Variants in DLEU7 observed in about 807,000 individuals in gnomAD.
DLEU7 encodes deleted in lymphocytic leukemia 7.
A neutral mutation model predicts 16.0 loss-of-function variants in DLEU7; 17 were observed. That is an observed-to-expected ratio of 1.06 (90% CI 0.73 to 1.59). The LOEUF (loss-of-function observed/expected upper bound fraction) is 1.59, where lower values mean the gene tolerates loss of function less well. DLEU7 is among the 40% of genes most tolerant of loss of function. DLEU7 has a pLI of 0.00. For missense variants in DLEU7, 308 were observed against 314.9 expected, an observed-to-expected ratio of 0.98 and a Z score of 0.17; for synonymous variants, 113 against 139.8, an observed-to-expected ratio of 0.81 and a Z score of 1.35.
At chr13:50,775,253 A>T (rs61450484) in intron 1 of DLEU7, among the ~76,000 whole-genome samples, 2,025 of 151,940 alleles carry the variant, frequency 0.013, 41 homozygotes, top group African/African-American at 0.047. Flanking sequence ...TTTGTTTTAG[A>T]AGGTAGCTAA....
intron 1 of DLEU7, among the ~76,000 whole-genome samples, chr13:50,809,408 T>C (rs1281642331): frequency 6.6e-6 from 1 of 152,138 alleles, no homozygotes; most frequent in Admixed American, 6.6e-5. Context: ...TTGCATAATT[T>C]TCATTCTAAA....
At chr13:50,837,481 G>C (rs945877919) in intron 1 of DLEU7, among the ~76,000 whole-genome samples, 6 of 152,172 alleles carry the variant, frequency 3.9e-5, no homozygotes, top group African/African-American at 1.4e-4. Context: ...TACTTCTAGA[G>C]CAGTCACCGT....
At chr13:50,823,566 G>A (rs1163365254) in intron 1 of DLEU7, 46 bp from the exon 2 acceptor site, 3 of 1,526,600 alleles carry the variant, frequency 2.0e-6, no homozygotes, top group Non-Finnish European at 2.6e-6. Context: ...TAGGTTATGG[G>A]GGCCAATTGT....
At chr13:50,819,588 T>G (rs1050469256), downstream of DLEU7, among the ~76,000 whole-genome samples, 1 of 152,098 alleles carries the variant, frequency 6.6e-6, no homozygotes, top group South Asian at 2.1e-4. Context: ...ATTTGAGACA[T>G]GTTTTGAAGG....
Position 50,843,520 on chromosome 13 carries a change from G to A in DLEU7, c.127C>T (p.Pro43Ser). The A allele has an allele frequency of 1.4e-6, 2 of 1,426,194 alleles. No homozygotes were observed. 88.3% of individuals were successfully genotyped at this position (1,426,194 alleles called of 1,614,324 possible). ...GPVAPGNPRDPDHVSTAPARR... is the reference protein window; with the variant it reads ...GPVAPGNPRDSDHVSTAPARR... ...GCTGGAGCGGTGGACACGTGGTCTG[G>A]GTCCCGCGGGTTCCCGGGGGCGACT... The change falls in exon 1 of 2, where the codon CCA becomes TCA. Residue 43 changes from proline (P) to serine (S), a missense_variant. Physicochemically the swap from Pro to Ser is moderately conservative, Grantham distance 74 (BLOSUM62 -1). Coordinates refer to ENST00000504404, the MANE Select transcript of DLEU7 (RefSeq NM_001306135.2). This position sits in a 1 kb window ranked among gnomAD's most constrained non-coding sequence, Gnocchi z 5.7.
chr13:50,793,332 G>T (rs1227656832), intron 1 of DLEU7, among the ~76,000 whole-genome samples: 2 of 152,058 alleles, frequency 1.3e-5, no homozygotes, highest in Non-Finnish European at 2.9e-5. Context: ...GAATAGTGCT[G>T]CAGTGAACAT....
chr13:50,739,915 G>T (rs1049595130), intron 1 of DLEU7, among the ~76,000 whole-genome samples: 14 of 152,062 alleles, frequency 9.2e-5, no homozygotes, highest in African/African-American at 3.1e-4. Flanking sequence ...GATTCTAGAT[G>T]CCTAGATTTT....
At chr13:50,776,015 C>T (rs1272205350) in intron 1 of DLEU7, among the ~76,000 whole-genome samples, 2 of 151,924 alleles carry the variant, frequency 1.3e-5, no homozygotes, top group Non-Finnish European at 2.9e-5. Context: ...TCTGTTTTTT[C>T]AAATCAGCCT....
intron 1 of DLEU7, among the ~76,000 whole-genome samples, chr13:50,715,788 A>G (rs1022628698): frequency 3.9e-5 from 6 of 152,246 alleles, no homozygotes; most frequent in Non-Finnish European, 7.3e-5. Context: ...TCTATGCCAG[A>G]TAATGCTACC....
chr13:50,765,218 G>T (rs898969515), intron 1 of DLEU7, among the ~76,000 whole-genome samples: 2 of 152,138 alleles, frequency 1.3e-5, no homozygotes, highest in African/African-American at 4.8e-5. Context: ...ATGTAGAGGA[G>T]AATTTATTCA....
intron 1 of DLEU7, among the ~76,000 whole-genome samples, chr13:50,788,746 T>C (rs1276262451): frequency 1.3e-5 from 2 of 152,178 alleles, no homozygotes; most frequent in Non-Finnish European, 2.9e-5. Flanking sequence ...GGAAAATCCC[T>C]CCCACAGAAA....
At chr13:50,791,258 GTTGTACACATGCAGGGGCACCTATGC>G (rs1180958146) in intron 1 of DLEU7, among the ~76,000 whole-genome samples, 1 of 152,112 alleles carries the variant, frequency 6.6e-6, no homozygotes, top group Admixed American at 6.5e-5. Context: ...GTCAGGCAGG[GTTGTACACATGCAGGGGCACCTATGC>G]TTTCTCCTGC....
chr13:50,755,155 T>C lies in DLEU7; in HGVS notation c.460-41915A>G, dbSNP rs563693871. On this transcript the variant is annotated intron_variant, in intron 1 of 1. Coordinates refer to the DLEU7 transcript ENST00000400393. ...TTCGTCTTAACTTTAGATACCCTGA[T>C]GACAATGTGTGTAGGTGATGATCTT... is the stretch of plus-strand genomic sequence containing the variant. Among the ~76,000 whole-genome samples, 23 of 152,332 alleles carry C rather than the reference T, an allele frequency of 1.5e-4. No homozygotes were observed. The South Asian group carries it at 4.6e-3, about 30-fold the overall frequency.
chr13:50,814,687 ACACACAC>A (rs1413215376), intron 1 of DLEU7, among the ~76,000 whole-genome samples: 1 of 38,954 alleles, frequency 2.6e-5, no homozygotes, highest in Non-Finnish European at 7.8e-5. Flanking sequence ...CTACACACAC[ACACACAC>A]ACACACACAC....
chr13:50,775,405 G>A (rs1875463843), intron 1 of DLEU7, among the ~76,000 whole-genome samples: 1 of 152,146 alleles, frequency 6.6e-6, no homozygotes, highest in Non-Finnish European at 1.5e-5. Context: ...TTAATAGTTT[G>A]AGGCATTTTT....
chr13:50,804,598 C>T (rs373002145), intron 1 of DLEU7, among the ~76,000 whole-genome samples: 1 of 151,948 alleles, frequency 6.6e-6, no homozygotes, highest in Non-Finnish European at 1.5e-5. Context: ...CATGCACCAC[C>T]ACACCCAGCT....
intron 1 of DLEU7, among the ~76,000 whole-genome samples, chr13:50,791,896 C>T (rs183857125): frequency 4.1e-4 from 62 of 152,252 alleles, no homozygotes; most frequent in African/African-American, 1.4e-3. Flanking sequence ...GACAGTGATA[C>T]GGTAACAGCA....
chr13:50,810,676 G>A (rs1876539784), intron 1 of DLEU7, among the ~76,000 whole-genome samples: 1 of 152,130 alleles, frequency 6.6e-6, no homozygotes, highest in Non-Finnish European at 1.5e-5. Flanking sequence ...TTTGTTGTGT[G>A]TGGTTCATGC....
rs2137821790 is a variant in DLEU7 at position 50,843,350 on chromosome 13, C to G, written c.297G>C (p.Glu99Asp). 1 of 1,451,754 alleles carries G rather than the reference C, an allele frequency of 6.9e-7. No individual in the cohort carries two copies. The highest frequency in any genetic ancestry group is 2.9e-5 in the East Asian group (1 of 35,086). 89.9% of individuals were successfully genotyped at this position (1,451,754 alleles called of 1,614,324 possible). ...EVVRGAEGGA[E>D]LLPFPRDRGP... ...CGCGGTCCCGGGGGAAGGGCAGCAA[C>G]TCGGCGCCCCCCTCAGCGCCTCGCA... The change falls in exon 1 of 2, where the codon GAG becomes GAC. Residue 99 changes from glutamate (E) to aspartate (D), a missense_variant. Coordinates refer to ENST00000504404, the MANE Select transcript of DLEU7 (RefSeq NM_001306135.2). The surrounding 1 kb of genome is among the most constrained non-coding windows in gnomAD (Gnocchi z 5.7).
Sources: allele counts gnomAD v4.1 joint callset (sites outside exome capture counted in the v4.1 genomes callset), GRCh38; gene constraint gnomAD v4.1.1; non-coding constraint Gnocchi (gnomAD v3.1); transcripts MANE v1.5; gene names NCBI Gene and HGNC (gene_info 2026-07-23, HGNC 2026-07-21).